The following ASIC2 variants were observed in gnomAD, a reference collection of about 807,000 sequenced individuals.
ASIC2 encodes the protein acid sensing ion channel subunit 2, also known as acid-sensing ion channel 2.
ASIC2 carries 25 observed loss-of-function variants against 57.3 expected under a neutral mutation model. That is an observed-to-expected ratio of 0.44 (90% CI 0.32 to 0.61). The LOEUF is 0.61. Ranked by LOEUF, ASIC2 falls within the 20% of genes least tolerant of loss-of-function variation. The pLI is 0.06. For missense variants in ASIC2, 641 were observed against 738.1 expected, an observed-to-expected ratio of 0.87 and a Z score of 1.52; for synonymous variants, 319 against 307.5, an observed-to-expected ratio of 1.04 and a Z score of -0.39.
At chr17:34,097,656 GT>G (rs937185130) in intron 1 of ASIC2, among the ~76,000 whole-genome samples, 2 of 152,236 alleles carry the variant, frequency 1.3e-5, no homozygotes, top group Non-Finnish European at 1.5e-5. Flanking sequence ...TATATCACTA[GT>G]TTTTTTGTGG....
intron 1 of ASIC2, among the ~76,000 whole-genome samples, chr17:33,460,230 T>G (rs1912589736): frequency 6.6e-6 from 1 of 152,168 alleles, no homozygotes. Flanking sequence ...TAGATTGGCT[T>G]GAGCTGATTA....
chr17:34,074,782 C>CTTTTTT (rs35010578), intron 1 of ASIC2, among the ~76,000 whole-genome samples: 52 of 113,934 alleles, frequency 4.6e-4, no homozygotes, highest in Non-Finnish European at 5.8e-4. Flanking sequence ...TTCTTTCTTT[C>CTTTTTT]TTTTTTTTTT....
intron 1 of ASIC2, among the ~76,000 whole-genome samples, chr17:33,639,018 C>G: frequency 6.6e-6 from 1 of 151,760 alleles, no homozygotes; most frequent in Non-Finnish European, 1.5e-5. Context: ...GCCTCCGTTC[C>G]CCAAAGCAAA....
intron 1 of ASIC2, among the ~76,000 whole-genome samples, chr17:33,186,291 A>G (rs1394260286): frequency 1.3e-5 from 2 of 152,034 alleles, no homozygotes; most frequent in Non-Finnish European, 2.9e-5. Flanking sequence ...TTGTATTTTT[A>G]GTAGAGATGG....
At chr17:33,271,125 C>A (rs1479003495) in intron 1 of ASIC2, among the ~76,000 whole-genome samples, 1 of 152,266 alleles carries the variant, frequency 6.6e-6, no homozygotes, top group East Asian at 1.9e-4. Context: ...GCTGACCACG[C>A]CCCATTTGTA....
At chr17:33,263,472 C>T (rs967048255) in intron 1 of ASIC2, among the ~76,000 whole-genome samples, 4 of 152,212 alleles carry the variant, frequency 2.6e-5, no homozygotes, top group African/African-American at 7.2e-5. Flanking sequence ...CTAGCTGGTG[C>T]TGAGCAGGGG....
intron 1 of ASIC2, among the ~76,000 whole-genome samples, chr17:33,130,753 C>T (rs1251722878): frequency 6.6e-6 from 1 of 152,186 alleles, no homozygotes; most frequent in Non-Finnish European, 1.5e-5. Context: ...TGAACTGGAG[C>T]CCGAGCTCCT....
intron 1 of ASIC2, among the ~76,000 whole-genome samples, chr17:33,669,355 T>C (rs1428532218): frequency 6.6e-6 from 1 of 152,192 alleles, no homozygotes; most frequent in Non-Finnish European, 1.5e-5. Flanking sequence ...CATTTTCACA[T>C]GAGCAAAGTC....
intron 1 of ASIC2, among the ~76,000 whole-genome samples, chr17:33,996,430 C>A (rs1016607259): frequency 6.6e-6 from 1 of 152,132 alleles, no homozygotes; most frequent in African/African-American, 2.4e-5. Flanking sequence ...ATTGCCTAGG[C>A]CAACACCAAC....
intron 1 of ASIC2, among the ~76,000 whole-genome samples, chr17:33,585,249 G>T (rs1904585839): frequency 1.6e-5 from 1 of 64,376 alleles, no homozygotes; most frequent in Non-Finnish European, 3.0e-5. Context: ...AGGCCACGTG[G>T]CTCATGGATG....
At chr17:33,909,869 T>G (rs1915425520) in intron 1 of ASIC2, among the ~76,000 whole-genome samples, 1 of 152,202 alleles carries the variant, frequency 6.6e-6, no homozygotes, top group African/African-American at 2.4e-5. Context: ...TCTCATCCCC[T>G]GAAGAGAAAA....
chr17:33,918,408 T>C (rs1915636865), intron 1 of ASIC2, among the ~76,000 whole-genome samples: 1 of 152,204 alleles, frequency 6.6e-6, no homozygotes, highest in Admixed American at 6.5e-5. Flanking sequence ...AAGACAGTGA[T>C]TATTGATTAC....
chr17:33,965,506 A>T (rs980514986), intron 1 of ASIC2, among the ~76,000 whole-genome samples: 3 of 152,232 alleles, frequency 2.0e-5, no homozygotes, highest in Admixed American at 1.3e-4. Context: ...AACAGACTTC[A>T]TGAGGAAGTG....
At chr17:34,133,047 G>A (rs985547587) in intron 1 of ASIC2, among the ~76,000 whole-genome samples, 2 of 152,260 alleles carry the variant, frequency 1.3e-5, no homozygotes, top group African/African-American at 2.4e-5. Context: ...ATATGTAAAG[G>A]CAGAAGAGAA....
rs568953675 is a variant in ASIC2 at position 33,087,200 on chromosome 17, A to T, written c.987+1663T>A. 1.3e-4 allele frequency among the ~76,000 whole-genome samples: 19 copies of T among 151,416 alleles called. No individual in the cohort carries two copies. In the East Asian group the frequency reaches 2.1e-3, roughly 17 times the overall value. On this transcript the variant is annotated intron_variant, in intron 3 of 9. Transcript: ENST00000225823. ...TCTTTACTGGATAATCCTTGTTCTC[A>T]CTCTTCTTGACTCTCAAATCCTTAG...
At position 33,485,974 on chromosome 17, in the gene ASIC2, T is replaced by C. The variant is rs558812016; in HGVS notation, c.556-373907A>G. Among the ~76,000 whole-genome samples, 14 of 152,344 alleles carry C rather than the reference T, an allele frequency of 9.2e-5. No homozygotes were observed. The South Asian group carries it at 2.3e-3, about 25-fold the overall frequency. On this transcript the variant is annotated intron_variant, in intron 1 of 9. Transcript: ENST00000359872. ...CAGGGGGCACATGCCCCTTCCTGCC[T>C]CTGCTTTGCTGCCACCTTGCCCCCG...
chr17:33,299,040 A>G (rs1170918124), intron 1 of ASIC2, among the ~76,000 whole-genome samples: 1 of 152,222 alleles, frequency 6.6e-6, no homozygotes, highest in Non-Finnish European at 1.5e-5. Context: ...ATTCAATGCC[A>G]TCCACATCAA....
At chr17:33,970,381 C>T (rs1251973373) in intron 1 of ASIC2, among the ~76,000 whole-genome samples, 1 of 152,210 alleles carries the variant, frequency 6.6e-6, no homozygotes, top group Non-Finnish European at 1.5e-5. Context: ...TCCTTGGTCT[C>T]TGCCTAGTGG....
chr17:33,200,430 T>C (rs1293056524), intron 1 of ASIC2, among the ~76,000 whole-genome samples: 1 of 152,138 alleles, frequency 6.6e-6, no homozygotes, highest in Non-Finnish European at 1.5e-5. Flanking sequence ...AACTGCCCAC[T>C]TACAAATCTC....
Sources: allele counts gnomAD v4.1 joint callset (sites outside exome capture counted in the v4.1 genomes callset), GRCh38; gene constraint gnomAD v4.1.1; transcripts MANE v1.5; gene names NCBI Gene and HGNC (gene_info 2026-07-23, HGNC 2026-07-21).